Variants in KIAA1549L observed in about 807,000 individuals in gnomAD.
The protein encoded by KIAA1549L is UPF0606 protein KIAA1549L.
In KIAA1549L, 88 loss-of-function variants were observed where a neutral mutation model predicts 160.7. That is an observed-to-expected ratio of 0.55 (90% CI 0.46 to 0.65). KIAA1549L has a LOEUF of 0.65. Ranked by LOEUF, KIAA1549L falls within the 30% of genes least tolerant of loss-of-function variation. The probability of loss-of-function intolerance (pLI) is 0.00; values close to 1 mark genes in which losing one functional copy is unlikely to be tolerated. For missense variants in KIAA1549L, 2,258 were observed against 2,437.5 expected (o/e 0.93, Z 1.55); for synonymous variants, 950 against 976.7 (o/e 0.97, Z 0.51).
chr11:33,567,110 C>T (rs1181785110), intron 8 of KIAA1549L, among the ~76,000 whole-genome samples: 1 of 152,112 alleles, frequency 6.6e-6, no homozygotes, highest in African/African-American at 2.4e-5. Context: ...CCTGAAAACC[C>T]TCCTCCCTGC....
intron 1 of KIAA1549L, among the ~76,000 whole-genome samples, chr11:33,497,077 G>A (rs1286850561): frequency 6.6e-6 from 1 of 152,058 alleles, no homozygotes; most frequent in East Asian, 1.9e-4. Flanking sequence ...TCTTCGAGAA[G>A]CCTTCCCTGG....
chr11:33,598,899 G>A lies in KIAA1549L; in HGVS notation c.4831G>A (p.Val1611Ile). 1 of 1,613,868 alleles carries A rather than the reference G, an allele frequency of 6.2e-7. No homozygotes were observed. The highest frequency in any genetic ancestry group is 1.7e-4 in the Middle Eastern group (1 of 6,022). ...PSSGRRSPQNVMAQQKVTKEE... is the reference protein window; with the variant it reads ...PSSGRRSPQNIMAQQKVTKEE... ...CTCAGGGAGACGCTCACCCCAGAAT[G>A]TAATGGCACAGCAGAAAGTGACAAA... The change falls in exon 13 of 21, where the codon GTA becomes ATA. Residue 1611 changes from valine to isoleucine, a missense_variant. Transcript: ENST00000658780.
At position 33,383,355 on chromosome 11, in the gene KIAA1549L, C is replaced by T. The variant is rs529040181; in HGVS notation, c.238+6466C>T. ...AGTTGGAATGACCTTAAAACATTTT[C>T]GTTGCTTGACAACATATTAGAGGGG... On this transcript the variant is annotated intron_variant, in intron 1 of 20. Transcript: ENST00000658780. Among the ~76,000 whole-genome samples the T allele has an allele frequency of 1.1e-4, 17 of 151,706 alleles. No homozygotes were observed. The East Asian group carries it at 3.1e-3, about 28-fold the overall frequency.
chr11:33,478,135 C>G (rs77012542), intron 1 of KIAA1549L, among the ~76,000 whole-genome samples: 1 of 152,184 alleles, frequency 6.6e-6, no homozygotes, highest in Admixed American at 6.5e-5. Context: ...ACCAACCTAG[C>G]GACATTAAAA....
intron 1 of KIAA1549L, among the ~76,000 whole-genome samples, chr11:33,465,288 A>G (rs182277563): frequency 1.3e-5 from 2 of 151,976 alleles, no homozygotes; most frequent in Admixed American, 1.3e-4. Flanking sequence ...TCCTGATCTC[A>G]AGTGATCCAT....
intron 1 of KIAA1549L, among the ~76,000 whole-genome samples, chr11:33,487,045 A>G: frequency 6.6e-6 from 1 of 152,128 alleles, no homozygotes; most frequent in East Asian, 1.9e-4. Flanking sequence ...ATAGCAATTT[A>G]TTATTCACTC....
In KIAA1549L at chr11:33,618,671, C is replaced by T. The variant is rs1377700751; in HGVS notation, c.5409+9C>T. The T allele has an allele frequency of 6.4e-7, 1 of 1,563,800 alleles. No individual in the cohort carries two copies. Among genetic ancestry groups the T allele is most frequent in the South Asian group, 1.2e-5 (1 of 84,932 alleles). The stretch of plus-strand genomic sequence containing the variant: ...GCAACAGCGGATACGATGTGAGTCT[C>T]TGGTGGGCTGGGTAAATACAAGCTT... On this transcript the variant is annotated intron_variant, in intron 16 of 20. Transcript: ENST00000658780.
At chr11:33,565,648 G>T (rs1369296641) in intron 8 of KIAA1549L, among the ~76,000 whole-genome samples, 1 of 151,238 alleles carries the variant, frequency 6.6e-6, no homozygotes. Context: ...AGATTGTCCA[G>T]TTGATCCCCT....
Position 33,573,622 on chromosome 11 carries a change from A to G in KIAA1549L, c.4231-1080A>G, listed in dbSNP as rs187245704. Among the ~76,000 whole-genome samples, 31 of 152,310 alleles carry G rather than the reference A, an allele frequency of 2.0e-4. No homozygotes were observed. In the East Asian group the frequency reaches 5.8e-3, roughly 28 times the overall value. ...TTACTGTTATAAACAATGTTGCTAT[A>G]AACATTTTTGTAAAGTCTTTTAATA... On this transcript the variant is annotated intron_variant, in intron 9 of 20. Transcript: ENST00000658780.
chr11:33,594,091 T>C (rs557826917), intron 12 of KIAA1549L, among the ~76,000 whole-genome samples: 38 of 151,872 alleles, frequency 2.5e-4, no homozygotes, highest in Admixed American at 8.5e-4. Context: ...AGGAAGTAAT[T>C]TGAGAAGGAA....
chr11:33,604,444 A>G (rs946611109), intron 13 of KIAA1549L, among the ~76,000 whole-genome samples: 12 of 152,246 alleles, frequency 7.9e-5, no homozygotes, highest in Non-Finnish European at 1.0e-4. Context: ...CCAGCAGTCA[A>G]TCCCACTCCT....
At chr11:33,519,232 T>C (rs1054951905) in intron 1 of KIAA1549L, among the ~76,000 whole-genome samples, 14 of 152,282 alleles carry the variant, frequency 9.2e-5, no homozygotes, top group Middle Eastern at 3.4e-3. Flanking sequence ...GAAATTAATT[T>C]AGTGTTAAAT....
chr11:33,414,645 G>A (rs949379941), intron 1 of KIAA1549L, among the ~76,000 whole-genome samples: 1 of 152,228 alleles, frequency 6.6e-6, no homozygotes, highest in African/African-American at 2.4e-5. Flanking sequence ...CCCTTGCAAT[G>A]TTGGGTATTG....
intron 13 of KIAA1549L, among the ~76,000 whole-genome samples, chr11:33,604,621 A>G (rs1850449895): frequency 6.6e-6 from 1 of 152,256 alleles, no homozygotes; most frequent in Admixed American, 6.5e-5. Flanking sequence ...CTACTCAGCC[A>G]TAAGAAGAAA....
In KIAA1549L at chr11:33,394,812, A is replaced by G. The variant is rs144929312; in HGVS notation, c.238+17923A>G. On this transcript the variant is annotated intron_variant, in intron 1 of 20. Transcript: ENST00000658780. ...TGATTCGGGGACCCAGGGTCCTTCCATTTTGTGGCTTTGCCATATTCAGTC... is the reference window on the plus strand; with the variant it reads ...TGATTCGGGGACCCAGGGTCCTTCCGTTTTGTGGCTTTGCCATATTCAGTC... Among the ~76,000 whole-genome samples the G allele has an allele frequency of 1.1e-3, 164 of 152,316 alleles. 1 individual carries two copies. The highest frequency in any genetic ancestry group is 2.1e-3 in the Non-Finnish European group (143 of 68,022).
intron 20 of KIAA1549L, chr11:33,665,253 C>A (rs1402355227): frequency 6.6e-6 from 1 of 152,308 alleles, no homozygotes; most frequent in Non-Finnish European, 1.5e-5. Context: ...AGTGTTAGAA[C>A]AGCTCAGAGG....
chr11:33,490,845 A>G (rs1852641280), intron 1 of KIAA1549L, among the ~76,000 whole-genome samples: 1 of 152,174 alleles, frequency 6.6e-6, no homozygotes, highest in Non-Finnish European at 1.5e-5. Flanking sequence ...CTGCTTCAGT[A>G]GGTCTGAGGT....
intron 1 of KIAA1549L, among the ~76,000 whole-genome samples, chr11:33,426,869 T>G (rs957704638): frequency 6.6e-6 from 1 of 152,156 alleles, no homozygotes; most frequent in Non-Finnish European, 1.5e-5. Flanking sequence ...CCATTATCAT[T>G]TATATCTGTG....
chr11:33,630,275 A>G (rs1387989620), intron 16 of KIAA1549L, among the ~76,000 whole-genome samples: 1 of 152,256 alleles, frequency 6.6e-6, no homozygotes, highest in Non-Finnish European at 1.5e-5. Context: ...CTGCAGAGGC[A>G]GGCAGGCCTC....
Sources: gnomAD v4.1 joint callset for allele counts (sites outside exome capture counted in the v4.1 genomes callset) on GRCh38, gnomAD v4.1.1 for gene constraint, MANE v1.5 for transcripts, NCBI Gene and HGNC (gene_info 2026-07-23, HGNC 2026-07-21) for gene names.